The following BANK1 variants were observed in gnomAD, a reference collection of about 807,000 sequenced individuals.
BANK1 encodes the protein B-cell scaffold protein with ankyrin repeats.
In BANK1, 95 loss-of-function variants were observed where a neutral mutation model predicts 94.5. That is an observed-to-expected ratio of 1.00 (90% CI 0.85 to 1.19). BANK1 has a LOEUF of 1.19. BANK1 is among the 50% of genes most tolerant of loss of function. The probability of loss-of-function intolerance (pLI) is 0.00; values close to 1 mark genes in which losing one functional copy is unlikely to be tolerated. For missense variants in BANK1, 987 were observed against 932.2 expected (o/e 1.06, Z -0.77); for synonymous variants, 334 against 308.4 (o/e 1.08, Z -0.87).
At chr4:102,073,790 A>C (rs1320224150) in intron 16 of BANK1, 42 bp downstream of exon 16, 1 of 1,493,304 alleles carries the variant, frequency 6.7e-7, no homozygotes, top group Non-Finnish European at 9.2e-7. Flanking sequence ...AATCTAAAGC[A>C]GCCTTGTTAG....
At chr4:101,852,469 G>GATAT (rs1195239167) in intron 2 of BANK1, among the ~76,000 whole-genome samples, 63 of 54,096 alleles carry the variant, frequency 1.2e-3, no homozygotes, top group African/African-American at 3.4e-3. Context: ...ATATTTTTCG[G>GATAT]CTATATATAT....
At position 101,862,535 on chromosome 4, in the gene BANK1, G is replaced by A. The variant is rs1472199600; in HGVS notation, c.634G>A (p.Glu212Lys). The change falls in exon 4 of 17, where the codon GAA (glutamate) becomes AAA (lysine). Residue 212 changes from glutamate (E) to lysine (K), a missense_variant. Coordinates refer to ENST00000322953, the MANE Select transcript of BANK1 (RefSeq NM_017935.5). ...PTEIPCENPG[E>K]IFIILRDEVI... ...CATTTTCATCTTACAGAATCCTGGT[G>A]AAATATTCATAATTTTGAGAGATGA... 4 of 1,601,830 alleles carry A rather than the reference G, an allele frequency of 2.5e-6. No individual in the cohort carries two copies. Among genetic ancestry groups the A allele is most frequent in the East Asian group, 4.5e-5 (2 of 44,488 alleles).
At chr4:101,933,147 A>G (rs1723414026) in intron 7 of BANK1, among the ~76,000 whole-genome samples, 1 of 151,506 alleles carries the variant, frequency 6.6e-6, no homozygotes, top group African/African-American at 2.4e-5. Flanking sequence ...TACTTAGCAA[A>G]TGGCTATTTT....
In BANK1 at chr4:101,950,060, T is replaced by TGC. The variant is rs1553935108; in HGVS notation, c.1206+31875_1206+31876dup. ...GTGTGTGTGTGTGTGTGTGTGTGTG[T>TGC]GCGCGTGCGCGCGCATGTGCCTACA... On this transcript the variant is annotated intron_variant, in intron 7 of 16. Transcript: ENST00000322953. Among the ~76,000 whole-genome samples, 380 of 139,476 alleles carry TGC rather than the reference T, an allele frequency of 2.7e-3. 2 individuals are homozygous for TGC. The highest frequency in any genetic ancestry group is 0.01 in the African/African-American group (323 of 32,050). The allele number at this position is 139,476 out of a possible 152,430, so 91.5% of individuals were successfully genotyped here.
At chr4:102,010,126 G>A (rs1726443469) in intron 7 of BANK1, among the ~76,000 whole-genome samples, 1 of 151,582 alleles carries the variant, frequency 6.6e-6, no homozygotes, top group Admixed American at 6.6e-5. Context: ...TTAGCCAGGT[G>A]TGGTGGCGGG....
At chr4:101,962,885 T>A (rs74990300) in intron 7 of BANK1, among the ~76,000 whole-genome samples, 2,265 of 152,214 alleles carry the variant, frequency 0.015, 63 homozygotes, top group African/African-American at 0.052. Flanking sequence ...TACAATTAGG[T>A]CATCATTGAT....
intron 5 of BANK1, among the ~76,000 whole-genome samples, chr4:101,871,405 C>G (rs1560610284): frequency 6.6e-6 from 1 of 151,956 alleles, no homozygotes; most frequent in East Asian, 1.9e-4. Context: ...ACCATAAAAA[C>G]CTGTAAGGTT....
At chr4:101,923,579 C>T in intron 7 of BANK1, among the ~76,000 whole-genome samples, 1 of 151,820 alleles carries the variant, frequency 6.6e-6, no homozygotes, top group East Asian at 1.9e-4. Flanking sequence ...TCTTTCTGCA[C>T]TCTCTTCACT....
intron 6 of BANK1, among the ~76,000 whole-genome samples, chr4:101,900,543 T>C (rs1272005943): frequency 2.0e-5 from 3 of 152,048 alleles, no homozygotes; most frequent in Non-Finnish European, 2.9e-5. Context: ...GTGTTAGCAG[T>C]GGAGGTGAAG....
Position 101,870,574 on chromosome 4 carries a change from A to AGTT in BANK1, c.835_836insTGT (p.Lys278_Tyr279insLeu). 1 of 1,613,022 alleles carries AGTT rather than the reference A, an allele frequency of 6.2e-7. No individual in the cohort carries two copies. Among genetic ancestry groups the AGTT allele is most frequent in the South Asian group, 1.1e-5 (1 of 91,040 alleles). ...ATCGTTAAAGCTACAACCAAAATTA[A>AGTT]GTACTACCCAACAGCAAAGGCAAAG... On this transcript the variant is annotated inframe_insertion, in exon 5 of 17. Coordinates refer to ENST00000322953, the MANE Select transcript of BANK1 (RefSeq NM_017935.5).
intron 6 of BANK1, among the ~76,000 whole-genome samples, chr4:101,905,372 G>A (rs988116646): frequency 5.9e-5 from 9 of 152,180 alleles, no homozygotes; most frequent in Admixed American, 2.0e-4. Flanking sequence ...GCACGGGAGC[G>A]AGGGAATGGC....
intron 1 of BANK1, among the ~76,000 whole-genome samples, chr4:101,820,167 A>C (rs1245500230): frequency 6.6e-6 from 1 of 152,214 alleles, no homozygotes; most frequent in Non-Finnish European, 1.5e-5. Flanking sequence ...TGCTGTTAAA[A>C]TACAACCATA....
At chr4:101,974,053 GGTGTTCA>G (rs1725045473) in intron 7 of BANK1, among the ~76,000 whole-genome samples, 1 of 151,584 alleles carries the variant, frequency 6.6e-6, no homozygotes, top group Non-Finnish European at 1.5e-5. Flanking sequence ...GCGTAGGGTG[GGTGTTCA>G]GTAAATACTT....
chr4:102,021,573 A>AT lies in BANK1; in HGVS notation c.1270dup (p.Ser424PhefsTer15), dbSNP rs1726900872. On this transcript the variant is annotated frameshift_variant, in exon 8 of 17. Coordinates refer to ENST00000322953, the MANE Select transcript of BANK1 (RefSeq NM_017935.5). LOFTEE classifies it high-confidence loss of function. ...ATGATTATGAAGAGGATATTGCCTC[A>AT]TTTTCCACATATATTCCTTGTAAGT... 7.0e-7 allele frequency: 1 copy of AT among 1,432,964 alleles called. No individual in the cohort carries two copies. The highest frequency in any genetic ancestry group is 9.4e-7 in the Non-Finnish European group (1 of 1,060,556). 88.8% of individuals were successfully genotyped at this position (1,432,964 alleles called of 1,614,324 possible). A position where few individuals can be genotyped will look rare whatever the true frequency, so the allele number is the denominator to read the frequency against.
intron 1 of BANK1, among the ~76,000 whole-genome samples, chr4:101,820,907 T>G (rs1726118010): frequency 6.6e-6 from 1 of 152,212 alleles, no homozygotes. Context: ...ATGTCTTTGC[T>G]ATTGTGAATT....
chr4:101,911,198 G>A (rs1166957732), intron 6 of BANK1, among the ~76,000 whole-genome samples: 1 of 152,150 alleles, frequency 6.6e-6, no homozygotes, highest in Non-Finnish European at 1.5e-5. Context: ...GTCCCCAGAC[G>A]ACTGTGCCTC....
Position 101,870,537 on chromosome 4 carries a change from T to A in BANK1, c.796T>A (p.Tyr266Asn), listed in dbSNP as rs1385971454. 7 of 1,612,618 alleles carry A rather than the reference T, an allele frequency of 4.3e-6. No homozygotes were observed. Among genetic ancestry groups the A allele is most frequent in the Non-Finnish European group, 5.9e-6 (7 of 1,179,168 alleles). ...TGCTGGTTCAGTCCATGTCAATGTC[T>A]ACTGTGATGGAATCGTTAAAGCTAC... The part of the protein sequence containing the change: ...FPAGSVHVNV[Y>N]CDGIVKATTK... Residue 266 changes from tyrosine (Y) to asparagine (N), a missense_variant, in exon 5 of 17, where the codon TAC (tyrosine) becomes AAC (asparagine). Physicochemically the swap from Tyr to Asn is moderately radical, Grantham distance 143 (BLOSUM62 -2). Transcript: ENST00000322953.
chr4:102,043,881 A>C lies in BANK1; in HGVS notation c.1943A>C (p.Lys648Thr), dbSNP rs781518455. Reference sequence around the variant, plus strand: ...GCCAGAAGACAATCTGATGATGACAAGTTCTGTGGTCTTCCTAAGAAACAA... The same window carrying C: ...GCCAGAAGACAATCTGATGATGACACGTTCTGTGGTCTTCCTAAGAAACAA... ...KTARRQSDDD[K>T]FCGLPKKQDR... is the part of the protein sequence containing the mutation. Residue 648 changes from lysine to threonine, a missense_variant, in exon 11 of 17, where the codon AAG becomes ACG. Physicochemically the swap from Lys to Thr is moderately conservative, Grantham distance 78 (BLOSUM62 -1). Coordinates refer to ENST00000322953, the MANE Select transcript of BANK1 (RefSeq NM_017935.5). The C allele has an allele frequency of 2.5e-5, 40 of 1,603,530 alleles. No homozygotes were observed. The highest frequency in any genetic ancestry group is 1.7e-5 in the Admixed American group (1 of 59,850).
intron 7 of BANK1, among the ~76,000 whole-genome samples, chr4:101,953,535 A>G (rs778017727): frequency 2.0e-5 from 3 of 151,748 alleles, no homozygotes; most frequent in Non-Finnish European, 4.4e-5. Flanking sequence ...TTCTGGATCT[A>G]TTTAGTAAAA....
Sources: allele counts gnomAD v4.1 joint callset (sites outside exome capture counted in the v4.1 genomes callset), GRCh38; gene constraint gnomAD v4.1.1; transcripts MANE v1.5; gene names NCBI Gene and HGNC (gene_info 2026-07-23, HGNC 2026-07-21).